VAV1: variants seen among roughly 807,000 people sequenced by gnomAD.
VAV1 encodes the protein vav guanine nucleotide exchange factor 1, also known as proto-oncogene vav.
A neutral mutation model predicts 128.1 loss-of-function variants in VAV1; 33 were observed. The ratio of observed to expected loss-of-function variants is 0.26; its 90% CI spans 0.20 to 0.34. The LOEUF is 0.34. Among genes scored for constraint, VAV1 ranks in the 10% least tolerant of loss-of-function variants. The pLI is 1.00. For missense variants in VAV1, 715 were observed against 1,093.7 expected (o/e 0.65, Z 4.88); for synonymous variants, 394 against 409.8 (o/e 0.96, Z 0.47).
At chr19:6,852,719 T>TCAAA (rs1410518763) in intron 24 of VAV1, among the ~76,000 whole-genome samples, 21 of 132,344 alleles carry the variant, frequency 1.6e-4, no homozygotes, top group African/African-American at 8.6e-4. Flanking sequence ...AGACTCCGTC[T>TCAAA]CAAAGAAAAA....
chr19:6,836,913 G>C (rs1203559908), intron 20 of VAV1, 72 bp from the exon 21 acceptor site: 1 of 1,470,134 alleles, frequency 6.8e-7, no homozygotes. Context: ...GTAGGGTTAT[G>C]GGTTTAGATG....
intron 21 of VAV1, among the ~76,000 whole-genome samples, chr19:6,838,097 G>GTCTGTCTATCTATCTATCTA (rs1555705096): frequency 1.0e-3 from 150 of 146,648 alleles, no homozygotes; most frequent in African/African-American, 2.6e-3. Flanking sequence ...CTGTCTGTCT[G>GTCTGTCTATCTATCTATCTA]TCTATCTATC....
chr19:6,801,135 C>A (rs531676265), intron 1 of VAV1, among the ~76,000 whole-genome samples: 7 of 152,310 alleles, frequency 4.6e-5, no homozygotes, highest in African/African-American at 1.4e-4. Context: ...AAGGGCAGAG[C>A]TCTGTTTGTC....
chr19:6,783,470 CT>C (rs61101390), intron 1 of VAV1, among the ~76,000 whole-genome samples: 1,553 of 113,782 alleles, frequency 0.014, 28 homozygotes, highest in East Asian at 0.13. Context: ...CACCTCCATC[CT>C]TTTTTTTTTT....
chr19:6,833,648 G>C (rs1462376441), intron 17 of VAV1, 23 bp downstream of exon 17: 1 of 1,614,118 alleles, frequency 6.2e-7, no homozygotes, highest in Non-Finnish European at 8.5e-7. Context: ...GGGAGGCTGG[G>C]AGGTGAGCTT....
At chr19:6,792,349 C>A (rs1215706869) in intron 1 of VAV1, among the ~76,000 whole-genome samples, 1 of 150,508 alleles carries the variant, frequency 6.6e-6, no homozygotes, top group African/African-American at 2.5e-5. Flanking sequence ...AGGCAGGTCT[C>A]ATATTCCAGG....
Position 6,826,173 on chromosome 19 carries a change from A to C in VAV1, c.828-439A>C, listed in dbSNP as rs1474188403. Among the ~76,000 whole-genome samples the C allele has an allele frequency of 6.6e-6, 1 of 152,012 alleles. No individual in the cohort carries two copies. The highest frequency in any genetic ancestry group is 2.4e-5 in the African/African-American group (1 of 41,384). On this transcript the variant is annotated intron_variant, in intron 8 of 26. Coordinates refer to ENST00000602142, the MANE Select transcript of VAV1 (RefSeq NM_005428.4). This position sits in a 1 kb window ranked among gnomAD's most constrained non-coding sequence, Gnocchi z 4.1. ...GCCAACATGGCAAAACCCCGTCTCT[A>C]CTAAAAATACAAAAATTAGCCAGGC... is the stretch of plus-strand genomic sequence containing the variant.
At chr19:6,796,566 C>T (rs1971140972) in intron 1 of VAV1, among the ~76,000 whole-genome samples, 1 of 152,190 alleles carries the variant, frequency 6.6e-6, no homozygotes. Flanking sequence ...TTTGCACTAA[C>T]CTCAGGGCTT....
chr19:6,856,501 C>T (rs1972805012), intron 26 of VAV1, among the ~76,000 whole-genome samples: 1 of 152,010 alleles, frequency 6.6e-6, no homozygotes, highest in Non-Finnish European at 1.5e-5. Flanking sequence ...ATGGGCAGAT[C>T]ACCGGAGGTC....
In VAV1 at chr19:6,777,352, C is replaced by A. The variant is rs62126661; in HGVS notation, c.204+4341C>A. On this transcript the variant is annotated intron_variant, in intron 1 of 26. Transcript: ENST00000602142. The surrounding 1 kb of genome is among the most constrained non-coding windows in gnomAD (Gnocchi z 4.4). Reference sequence around the variant, plus strand: ...GGACAGTGGGAATAGCACACACACACAAAAACCCCTGTTGTTGAGGAGCCT... The same window carrying A: ...GGACAGTGGGAATAGCACACACACAAAAAAACCCCTGTTGTTGAGGAGCCT... 0.086 allele frequency among the ~76,000 whole-genome samples: 13,119 copies of A among 152,136 alleles called. 636 individuals are homozygous for A. Among genetic ancestry groups the A allele is most frequent in the African/African-American group, 0.12 (4,844 of 41,488 alleles).
At position 6,828,427 on chromosome 19, in the gene VAV1, G is replaced by A; in HGVS notation, c.1032G>A (p.Val344=). Residue 344 remains valine (V), a synonymous_variant, in exon 11 of 27, where the codon GTG becomes GTA. Transcript: ENST00000602142. The surrounding 1 kb of genome is among the most constrained non-coding windows in gnomAD (Gnocchi z 4.5). ...LKYHLLLQEL[V]KHTQEAMEKE... is the part of the protein sequence containing the mutation. ...CGTCTTGGTTCTCTCAGGAGCTGGT[G>A]AAACACACGCAGGAGGCGATGGAGA... is the stretch of plus-strand genomic sequence containing the variant. 6.2e-7 allele frequency: 1 copy of A among 1,614,188 alleles called. No homozygotes were observed. Among genetic ancestry groups the A allele is most frequent in the Non-Finnish European group, 8.5e-7 (1 of 1,180,034 alleles).
At chr19:6,790,049 G>C (rs1342816328) in intron 1 of VAV1, among the ~76,000 whole-genome samples, 1 of 152,272 alleles carries the variant, frequency 6.6e-6, no homozygotes, top group East Asian at 1.9e-4. Flanking sequence ...ATGGTGGCAG[G>C]CGCCTGTAAT....
In VAV1 at chr19:6,787,573, G is replaced by GATTTATTTATTTATTT. The variant is rs74174839; in HGVS notation, c.204+14588_204+14603dup. Among the ~76,000 whole-genome samples the GATTTATTTATTTATTT allele has an allele frequency of 2.1e-3, 303 of 147,188 alleles. 3 individuals are homozygous for GATTTATTTATTTATTT. Among genetic ancestry groups the GATTTATTTATTTATTT allele is most frequent in the African/African-American group, 6.1e-3 (242 of 39,600 alleles). On this transcript the variant is annotated intron_variant, in intron 1 of 26. Coordinates refer to ENST00000602142, the MANE Select transcript of VAV1 (RefSeq NM_005428.4). ...CAGATGAGGGTGACCAACTACTCCAGATTTATTTATTTATTTATTTATTTA... is the reference window on the plus strand; with the variant it reads ...CAGATGAGGGTGACCAACTACTCCAGATTTATTTATTTATTTATTTATTTATTTATTTATTTATTTA...
intron 21 of VAV1, among the ~76,000 whole-genome samples, chr19:6,841,623 C>T (rs1434049204): frequency 6.6e-6 from 1 of 151,758 alleles, no homozygotes; most frequent in Admixed American, 6.6e-5. Flanking sequence ...TACAGGCATG[C>T]GTCACCACGC....
intron 1 of VAV1, among the ~76,000 whole-genome samples, chr19:6,776,076 T>TCA (rs1970614908): frequency 1.8e-5 from 2 of 111,910 alleles, no homozygotes; most frequent in Admixed American, 8.6e-5. Flanking sequence ...ATCCATCCAT[T>TCA]TATCCATCCA....
chr19:6,774,780 A>G (rs2071957142), intron 1 of VAV1, among the ~76,000 whole-genome samples: 1 of 149,308 alleles, frequency 6.7e-6, no homozygotes, highest in Non-Finnish European at 1.5e-5. Context: ...TTTGAGATGG[A>G]GTCTTGCTCT....
chr19:6,820,953 G>T lies in VAV1; in HGVS notation c.321+135G>T. ...CCATATACAAGACGCAAATAGCACT[G>T]GCTTGGGATATGTGGAACTGGGTTT... On this transcript the variant is annotated intron_variant, in intron 2 of 26. Coordinates refer to ENST00000602142, the MANE Select transcript of VAV1 (RefSeq NM_005428.4). This position sits in a 1 kb window ranked among gnomAD's most constrained non-coding sequence, Gnocchi z 4.4. The T allele has an allele frequency of 1.3e-6, 1 of 788,824 alleles. No individual in the cohort carries two copies. Among genetic ancestry groups the T allele is most frequent in the East Asian group, 2.5e-5 (1 of 40,550 alleles). The allele number at this position is 788,824 out of a possible 1,614,324, so 48.9% of individuals were successfully genotyped here.
chr19:6,810,661 C>T (rs746842824), intron 1 of VAV1, among the ~76,000 whole-genome samples: 7 of 151,916 alleles, frequency 4.6e-5, no homozygotes, highest in South Asian at 2.1e-4. Flanking sequence ...GCTGAGATCA[C>T]GTCATTGCAC....
chr19:6,834,795 C>A (rs1207760132), intron 19 of VAV1, among the ~76,000 whole-genome samples: 10 of 150,166 alleles, frequency 6.7e-5, no homozygotes, highest in Non-Finnish European at 1.3e-4. Context: ...CACTTATATG[C>A]CATTTATATG....
Sources: gnomAD v4.1 joint callset for allele counts (sites outside exome capture counted in the v4.1 genomes callset) on GRCh38, gnomAD v4.1.1 for gene constraint, Gnocchi (gnomAD v3.1) non-coding constraint, MANE v1.5 for transcripts, NCBI Gene and HGNC (gene_info 2026-07-23, HGNC 2026-07-21) for gene names.